Variants in TRIM2 observed in about 807,000 individuals in gnomAD.
TRIM2 encodes tripartite motif containing 2.
Under a neutral mutation model 75.2 loss-of-function variants are expected in TRIM2, and 20 were observed. The ratio of observed to expected loss-of-function variants is 0.27; its 90% confidence interval spans 0.19 to 0.39. The LOEUF is 0.39. Ranked by LOEUF, TRIM2 falls within the 10% of genes least tolerant of loss-of-function variation. TRIM2 has a pLI of 1.00. For missense variants in TRIM2, 660 were observed against 990.8 expected (o/e 0.67, Z 4.48); for synonymous variants, 373 against 388.3 (o/e 0.96, Z 0.46).
At chr4:153,296,527 G>A (rs1476617032) in intron 6 of TRIM2, among the ~76,000 whole-genome samples, 2 of 152,182 alleles carry the variant, frequency 1.3e-5, no homozygotes, top group Admixed American at 1.3e-4. Flanking sequence ...CAGGAGGGAG[G>A]GGATGTGTGC....
At position 153,278,790 on chromosome 4, in the gene TRIM2, T is replaced by A. The variant is rs1343429353; in HGVS notation, c.453+2660T>A. On this transcript the variant is annotated intron_variant, in intron 3 of 11. Transcript: ENST00000338700. ...TCCAACCCAGGTGACAGAGCAAGAC[T>A]CTATCTCAAAAAAAAAAAAAAAAAT... Among the ~76,000 whole-genome samples, 3 of 143,178 alleles carry A rather than the reference T, an allele frequency of 2.1e-5. No individual in the cohort carries two copies. The East Asian group carries it at 5.9e-4, about 28-fold the overall frequency. The allele number at this position is 143,178 out of a possible 152,430, so 93.9% of individuals were successfully genotyped here.
intron 1 of TRIM2, among the ~76,000 whole-genome samples, chr4:153,210,991 C>T (rs1386935420): frequency 6.6e-6 from 1 of 152,100 alleles, no homozygotes; most frequent in East Asian, 1.9e-4. Context: ...CACTGGAGGG[C>T]TGGGAGGAGA....
intron 1 of TRIM2, among the ~76,000 whole-genome samples, chr4:153,234,659 T>C (rs541028192): frequency 6.6e-6 from 1 of 152,338 alleles, no homozygotes; most frequent in Non-Finnish European, 1.5e-5. Context: ...TTACCTACTC[T>C]GTATGGCTGT....
intron 3 of TRIM2, among the ~76,000 whole-genome samples, chr4:153,278,809 A>G (rs570125453): frequency 2.6e-5 from 4 of 152,018 alleles, no homozygotes; most frequent in Non-Finnish European, 5.9e-5. Flanking sequence ...AAAAAAAAAA[A>G]AAAAATTAAG....
chr4:153,223,585 T>G (rs1202659995), intron 1 of TRIM2, among the ~76,000 whole-genome samples: 1 of 152,186 alleles, frequency 6.6e-6, no homozygotes, highest in African/African-American at 2.4e-5. Flanking sequence ...CTGAAAATAC[T>G]TGCCCGGTGT....
At chr4:153,311,925 A>AT (rs1560995023) in intron 6 of TRIM2, among the ~76,000 whole-genome samples, 4 of 69,634 alleles carry the variant, frequency 5.7e-5, no homozygotes, top group East Asian at 2.5e-4. Flanking sequence ...TTTATTTATT[A>AT]TTATTATACT....
At chr4:153,260,454 T>C (rs1449632560) in intron 1 of TRIM2, among the ~76,000 whole-genome samples, 1 of 151,190 alleles carries the variant, frequency 6.6e-6, no homozygotes, top group African/African-American at 2.4e-5. Context: ...AAGAAAGAGG[T>C]AGGGGAAATA....
At chr4:153,172,227 A>T (rs142518546) in intron 1 of TRIM2, among the ~76,000 whole-genome samples, 1 of 151,328 alleles carries the variant, frequency 6.6e-6, no homozygotes, top group East Asian at 1.9e-4. Context: ...TTGCTCTTTC[A>T]CCCAGGCCGG....
intron 3 of TRIM2, among the ~76,000 whole-genome samples, chr4:153,291,155 T>C (rs1761773798): frequency 6.6e-6 from 1 of 152,232 alleles, no homozygotes; most frequent in Admixed American, 6.5e-5. Flanking sequence ...TGGACATGGT[T>C]TGAATGACTT....
intron 1 of TRIM2, among the ~76,000 whole-genome samples, chr4:153,196,697 T>C (rs1412995278): frequency 1.3e-5 from 2 of 152,236 alleles, no homozygotes; most frequent in African/African-American, 2.4e-5. Flanking sequence ...ATCAGGGTTA[T>C]TGATGAAATG....
chr4:153,315,200 T>C (rs1767329349), intron 6 of TRIM2, among the ~76,000 whole-genome samples: 1 of 152,196 alleles, frequency 6.6e-6, no homozygotes. Flanking sequence ...TATGATGTCT[T>C]TGTGGGATCT....
intron 1 of TRIM2, among the ~76,000 whole-genome samples, chr4:153,191,236 G>A (rs1733157211): frequency 6.6e-6 from 1 of 152,188 alleles, no homozygotes; most frequent in African/African-American, 2.4e-5. Context: ...CCAATGATGG[G>A]CTTAGTTTGA....
At chr4:153,242,675 T>C (rs1046153575) in intron 1 of TRIM2, among the ~76,000 whole-genome samples, 7 of 152,232 alleles carry the variant, frequency 4.6e-5, no homozygotes, top group Middle Eastern at 3.2e-3. Flanking sequence ...TCGACAGAAC[T>C]ACTGAAATTG....
Position 153,295,026 on chromosome 4 carries a change from C to T in TRIM2, c.787-287C>T, listed in dbSNP as rs1762494980. ...GATGTCAGGCATAGCAATTAATTTG[C>T]TATGCTCTTGGTAGTGACCTTTCTG... On this transcript the variant is annotated intron_variant, in intron 5 of 11. Transcript: ENST00000338700. This position sits in a 1 kb window ranked among gnomAD's most constrained non-coding sequence, Gnocchi z 7.2. Among the ~76,000 whole-genome samples the T allele has an allele frequency of 6.6e-6, 1 of 152,200 alleles. No homozygotes were observed. Among genetic ancestry groups the T allele is most frequent in the African/African-American group, 2.4e-5 (1 of 41,458 alleles).
intron 1 of TRIM2, among the ~76,000 whole-genome samples, chr4:153,194,222 T>A (rs1276709329): frequency 6.6e-6 from 1 of 152,216 alleles, no homozygotes; most frequent in Non-Finnish European, 1.5e-5. Context: ...ATTCATAATC[T>A]CTCATCTCTC....
At chr4:153,163,616 C>T (rs1471800833) in intron 1 of TRIM2, among the ~76,000 whole-genome samples, 1 of 149,746 alleles carries the variant, frequency 6.7e-6, no homozygotes, top group East Asian at 2.0e-4. Flanking sequence ...ATTTTCCTGC[C>T]TCAGCCTCCG....
chr4:153,171,663 G>C (rs1041695177), intron 1 of TRIM2, among the ~76,000 whole-genome samples: 3 of 151,762 alleles, frequency 2.0e-5, no homozygotes, highest in African/African-American at 7.3e-5. Flanking sequence ...GTACGTCCTG[G>C]TTTAAGGGCT....
Position 153,309,500 on chromosome 4 carries a change from C to T in TRIM2, c.1511-5985C>T, listed in dbSNP as rs78956405. ...CTCACTCATTAATAACTTATTCATGCACTTTTTCATCCAGCAAACATTTGT... is the reference window on the plus strand; with the variant it reads ...CTCACTCATTAATAACTTATTCATGTACTTTTTCATCCAGCAAACATTTGT... On this transcript the variant is annotated intron_variant, in intron 6 of 11. Transcript: ENST00000338700. Among the ~76,000 whole-genome samples the T allele has an allele frequency of 7.9e-3, 1,206 of 152,274 alleles. 15 individuals are homozygous for T. The highest frequency in any genetic ancestry group is 0.073 in the East Asian group (379 of 5,180).
intron 1 of TRIM2, among the ~76,000 whole-genome samples, chr4:153,251,426 G>A (rs1750852276): frequency 6.6e-6 from 1 of 152,210 alleles, no homozygotes; most frequent in African/African-American, 2.4e-5. Context: ...TGACTGAACT[G>A]AAGGCTGGAA....
Sources: allele counts gnomAD v4.1 joint callset (sites outside exome capture counted in the v4.1 genomes callset), GRCh38; gene constraint gnomAD v4.1.1; non-coding constraint Gnocchi (gnomAD v3.1); transcripts MANE v1.5; gene names NCBI Gene and HGNC (gene_info 2026-07-23, HGNC 2026-07-21).